Variants in SLC44A5 observed in about 807,000 individuals in gnomAD.
SLC44A5 encodes choline transporter-like protein 5.
A neutral mutation model predicts 101.8 loss-of-function variants in SLC44A5; 57 were observed. The ratio of observed to expected loss-of-function variants is 0.56; its 90% CI spans 0.45 to 0.70. The LOEUF is 0.70. SLC44A5 is among the 30% of genes least tolerant of loss of function. The pLI is 0.00. For synonymous variants in SLC44A5, 281 were observed against 290.9 expected (o/e 0.97, Z 0.35); for missense variants, 737 against 853.1 (o/e 0.86, Z 1.70).
intron 8 of SLC44A5, 139 bp from the exon 9 acceptor site, chr1:75,242,200 G>A: frequency 5.0e-6 from 3 of 600,528 alleles, no homozygotes; most frequent in Non-Finnish European, 8.7e-6. Context: ...AATATTAATT[G>A]TAAGATTATC....
At chr1:75,266,108 G>A (rs1326169917) in intron 6 of SLC44A5, among the ~76,000 whole-genome samples, 1 of 152,090 alleles carries the variant, frequency 6.6e-6, no homozygotes, top group Admixed American at 6.6e-5. Flanking sequence ...AAGCACAAAA[G>A]GCCAAAAGCC....
chr1:75,369,649 T>C (rs1008138435), intron 3 of SLC44A5, among the ~76,000 whole-genome samples: 2 of 152,186 alleles, frequency 1.3e-5, no homozygotes, highest in African/African-American at 4.8e-5. Context: ...GCAATACTTT[T>C]GGCACACAGT....
chr1:75,315,089 C>T (rs1655591247), intron 4 of SLC44A5, among the ~76,000 whole-genome samples: 1 of 152,112 alleles, frequency 6.6e-6, no homozygotes, highest in Admixed American at 6.6e-5. Flanking sequence ...CTATCCACAA[C>T]AGAGCTGCAG....
chr1:75,376,564 G>A (rs1285217690), intron 3 of SLC44A5, among the ~76,000 whole-genome samples: 2 of 152,132 alleles, frequency 1.3e-5, no homozygotes, highest in Non-Finnish European at 2.9e-5. Context: ...CCCCCAGCAG[G>A]GGCACACTGA....
intron 3 of SLC44A5, among the ~76,000 whole-genome samples, chr1:75,372,196 CAA>C (rs770556856): frequency 4.6e-4 from 38 of 81,754 alleles, no homozygotes; most frequent in South Asian, 1.3e-3. Context: ...GACTCTGTCT[CAA>C]AAAAAAAAAA....
At chr1:75,370,754 G>A (rs1198157787) in intron 3 of SLC44A5, among the ~76,000 whole-genome samples, 2 of 152,164 alleles carry the variant, frequency 1.3e-5, no homozygotes, top group Non-Finnish European at 2.9e-5. Context: ...TGGGTATATG[G>A]TAGGCTAATG....
intron 1 of SLC44A5, among the ~76,000 whole-genome samples, chr1:75,558,484 T>G (rs1485672755): frequency 6.6e-6 from 1 of 152,082 alleles, no homozygotes; most frequent in Non-Finnish European, 1.5e-5. Flanking sequence ...TCTACATGCA[T>G]AGCAAGTACA....
Position 75,251,183 on chromosome 1 carries a change from C to G in SLC44A5, c.345+27G>C, listed in dbSNP as rs886435595. The G allele has an allele frequency of 2.6e-6, 4 of 1,547,176 alleles. No homozygotes were observed. The Admixed American group carries it at 6.7e-5, about 26-fold the overall frequency. ...CCAAGAATGTTCAGAACGGCTGACACTACCAGTGAGGCACCTTTTGCCTTA... is the reference window on the plus strand; with the variant it reads ...CCAAGAATGTTCAGAACGGCTGACAGTACCAGTGAGGCACCTTTTGCCTTA... On this transcript the variant is annotated intron_variant, in intron 7 of 23. Coordinates refer to ENST00000370859, the MANE Select transcript of SLC44A5 (RefSeq NM_001130058.2).
intron 13 of SLC44A5, among the ~76,000 whole-genome samples, chr1:75,224,299 T>C (rs1231968219): frequency 6.6e-6 from 1 of 152,188 alleles, no homozygotes; most frequent in African/African-American, 2.4e-5. Flanking sequence ...TAATAATGAA[T>C]GAGTTTGTTA....
At chr1:75,356,447 T>C (rs1316528436) in intron 3 of SLC44A5, among the ~76,000 whole-genome samples, 1 of 151,838 alleles carries the variant, frequency 6.6e-6, no homozygotes, top group Non-Finnish European at 1.5e-5. Flanking sequence ...AGGAAAAAGT[T>C]CATAGAATAA....
intron 2 of SLC44A5, among the ~76,000 whole-genome samples, chr1:75,514,420 C>A (rs1669719630): frequency 6.6e-6 from 1 of 152,138 alleles, no homozygotes; most frequent in Admixed American, 6.5e-5. Context: ...ATGTGAAGTA[C>A]TCAGATACTC....
the SLC44A5 span, among the ~76,000 whole-genome samples, chr1:75,622,144 A>T: frequency 6.6e-6 from 1 of 152,094 alleles, no homozygotes; most frequent in South Asian, 2.1e-4. Context: ...ATGCAATTTC[A>T]TTTATGTGTG....
chr1:75,241,967 C>A, intron 9 of SLC44A5, 34 bp downstream of exon 9: 1 of 1,564,018 alleles, frequency 6.4e-7, no homozygotes, highest in South Asian at 1.1e-5. Flanking sequence ...TTTGGTAGAT[C>A]CTATGTTTCT....
chr1:75,396,615 G>T lies in SLC44A5; in HGVS notation c.20C>A (p.Pro7Gln), dbSNP rs746817323. The T allele has an allele frequency of 7.4e-6, 12 of 1,612,716 alleles. No homozygotes were observed. The South Asian group carries it at 1.2e-4, about 16-fold the overall frequency. MNDTEK[P>Q]ADTPSEEEDF... ...CTCTTCCTCAGAGGGAGTATCTGCT[G>T]GTTTTTCTAGGAAAAAGCACAAAAG... The change falls in exon 3 of 24, where the codon CCA becomes CAA. Residue 7 changes from proline (P) to glutamine (Q), a missense_variant. Around this residue, in one of 3 missense-constraint regions of SLC44A5, gnomAD observed 665 missense variants for 764.4 expected, o/e 0.87. Transcript: ENST00000370859.
intron 20 of SLC44A5, 98 bp from the exon 21 acceptor site, chr1:75,214,087 G>T: frequency 1.3e-6 from 1 of 763,558 alleles, no homozygotes; most frequent in Non-Finnish European, 2.2e-6. Context: ...ATTTTGGTGT[G>T]TCTTTGCTGA....
In SLC44A5 at chr1:75,261,009, G is replaced by A. The variant is rs185264303; in HGVS notation, c.261-9715C>T. Among the ~76,000 whole-genome samples, 48 of 152,122 alleles carry A rather than the reference G, an allele frequency of 3.2e-4. 1 individual carries two copies. Among genetic ancestry groups the A allele is most frequent in the African/African-American group, 9.2e-4 (38 of 41,456 alleles). ...AAGACACACCATACCAGAATCTCTG[G>A]GACACATTTAAAGCAGTCTGTAGAG... On this transcript the variant is annotated intron_variant, in intron 6 of 23. Transcript: ENST00000370859.
At chr1:75,353,629 A>C (rs1318927750) in intron 3 of SLC44A5, among the ~76,000 whole-genome samples, 1 of 152,230 alleles carries the variant, frequency 6.6e-6, no homozygotes, top group Non-Finnish European at 1.5e-5. Flanking sequence ...GGCTGATGCC[A>C]GTTAGGCTTT....
At chr1:75,694,768 A>G in the SLC44A5 span, among the ~76,000 whole-genome samples, 7 of 152,156 alleles carry the variant, frequency 4.6e-5, no homozygotes, top group Non-Finnish European at 5.9e-5. Context: ...TAATATACCT[A>G]TCATGTCTCA....
At chr1:75,516,823 A>G (rs961807143) in intron 2 of SLC44A5, among the ~76,000 whole-genome samples, 1 of 152,148 alleles carries the variant, frequency 6.6e-6, no homozygotes, top group Non-Finnish European at 1.5e-5. Context: ...TTTTTGTCAT[A>G]TGGTGTATTT....
Sources: gnomAD v4.1 joint callset for allele counts (sites outside exome capture counted in the v4.1 genomes callset) on GRCh38, gnomAD v4.1.1 for gene constraint, gnomAD v4.1.1 regional missense constraint, MANE v1.5 for transcripts, NCBI Gene and HGNC (gene_info 2026-07-23, HGNC 2026-07-21) for gene names.